The following TUNAR variants were observed in gnomAD, a reference collection of about 807,000 sequenced individuals.
TUNAR encodes the protein transmembrane neural differentiation associated intracellular calcium regulator, also known as protein TUNAR.
chr14:95,901,573 C>T (rs928519607), intron 2 of TUNAR, among the ~76,000 whole-genome samples: 2 of 152,176 alleles, frequency 1.3e-5, no homozygotes, highest in Non-Finnish European at 2.9e-5. Flanking sequence ...ACAGCCCTGG[C>T]GCCTAGCAGG....
At chr14:95,894,450 A>G (rs1221576363) in intron 2 of TUNAR, among the ~76,000 whole-genome samples, 1 of 152,212 alleles carries the variant, frequency 6.6e-6, no homozygotes, top group African/African-American at 2.4e-5. Flanking sequence ...GGACAGCCAC[A>G]CTAGCAGGAG....
At chr14:95,920,634 G>A (rs1889682354) in intron 2 of TUNAR, among the ~76,000 whole-genome samples, 1 of 152,176 alleles carries the variant, frequency 6.6e-6, no homozygotes, top group African/African-American at 2.4e-5. Flanking sequence ...TCATACGGAT[G>A]TTCATTCACA....
chr14:95,879,309 C>A (rs904655232), intron 2 of TUNAR, among the ~76,000 whole-genome samples: 5 of 152,136 alleles, frequency 3.3e-5, no homozygotes, highest in African/African-American at 1.2e-4. Context: ...GTTTGAAATT[C>A]ACAAAACCAG....
rs141080523 is a variant in TUNAR, at chr14:95,886,459, G to A, written c.12+9282G>A. ...CTAAGGAAGAGAGAGAGACAGAAAAGCATGTTCCACAAGCCAGTGGGCAAA... is the reference window on the plus strand; with the variant it reads ...CTAAGGAAGAGAGAGAGACAGAAAAACATGTTCCACAAGCCAGTGGGCAAA... On this transcript the variant is annotated intron_variant, in intron 2 of 2. Coordinates refer to ENST00000678517, the Ensembl canonical transcript of TUNAR. Among the ~76,000 whole-genome samples the A allele has an allele frequency of 4.6e-4, 70 of 152,352 alleles. No homozygotes were observed. The East Asian group carries it at 0.012, about 27-fold the overall frequency.
At position 95,908,650 on chromosome 14, in the gene TUNAR, G is replaced by A. The variant is rs1889463702; in HGVS notation, c.13-14131G>A. On this transcript the variant is annotated intron_variant, in intron 2 of 2. Coordinates refer to ENST00000678517, the Ensembl canonical transcript of TUNAR. ...TTTTCCCTTGGTCACAGAGTTAGTTGGGATCACAAGAGTCTCAAAATCAGT... is the reference window on the plus strand; with the variant it reads ...TTTTCCCTTGGTCACAGAGTTAGTTAGGATCACAAGAGTCTCAAAATCAGT... 2.0e-5 allele frequency among the ~76,000 whole-genome samples: 3 copies of A among 152,166 alleles called. No individual in the cohort carries two copies. The South Asian group carries it at 6.2e-4, about 32-fold the overall frequency.
intron 2 of TUNAR, among the ~76,000 whole-genome samples, chr14:95,909,152 C>T (rs1393872536): frequency 2.0e-5 from 3 of 152,190 alleles, no homozygotes; most frequent in Non-Finnish European, 2.9e-5. Flanking sequence ...AGTGTCAGTA[C>T]AGGGAGCTGT....
At chr14:95,880,175 T>C (rs74085717) in intron 2 of TUNAR, among the ~76,000 whole-genome samples, 2,815 of 152,316 alleles carry the variant, frequency 0.018, 55 homozygotes, top group East Asian at 0.08. Context: ...TACCAGATAT[T>C]GCCCTCCAAA....
chr14:95,894,027 T>C (rs1245740255), intron 2 of TUNAR, among the ~76,000 whole-genome samples: 4 of 152,226 alleles, frequency 2.6e-5, no homozygotes, highest in Non-Finnish European at 5.9e-5. Flanking sequence ...CCTGTTTTGG[T>C]GGATAGCTCC....
At chr14:95,903,785 G>T (rs865835269) in intron 2 of TUNAR, among the ~76,000 whole-genome samples, 2 of 152,240 alleles carry the variant, frequency 1.3e-5, no homozygotes, top group African/African-American at 2.4e-5. Flanking sequence ...TGGTGGCTGG[G>T]GCTGGAGCCA....
intron 2 of TUNAR, among the ~76,000 whole-genome samples, chr14:95,882,179 G>A (rs1213514311): frequency 6.6e-6 from 1 of 152,174 alleles, no homozygotes; most frequent in Non-Finnish European, 1.5e-5. Context: ...GCGTGTCCTC[G>A]GTGCGGCCCA....
chr14:95,880,879 C>G (rs1406796071), intron 2 of TUNAR, among the ~76,000 whole-genome samples: 1 of 152,182 alleles, frequency 6.6e-6, no homozygotes, highest in African/African-American at 2.4e-5. Context: ...AACACTTTGT[C>G]CTTGCAACTC....
chr14:95,888,947 G>A (rs138104358), intron 2 of TUNAR, among the ~76,000 whole-genome samples: 2 of 152,302 alleles, frequency 1.3e-5, no homozygotes, highest in East Asian at 3.9e-4. Flanking sequence ...CGGATCCCGA[G>A]CATGGCCGTC....
At chr14:95,877,362 G>A (rs971424173) in intron 2 of TUNAR, among the ~76,000 whole-genome samples, 185 bp downstream of exon 1, 8 of 152,212 alleles carry the variant, frequency 5.3e-5, no homozygotes, top group Non-Finnish European at 1.0e-4. Flanking sequence ...GGCAGACCTG[G>A]TGCTTTCTTC....
chr14:95,918,149 T>C (rs1391231655), intron 2 of TUNAR, among the ~76,000 whole-genome samples: 1 of 152,242 alleles, frequency 6.6e-6, no homozygotes, highest in African/African-American at 2.4e-5. Context: ...ATAGTGGGTG[T>C]ATATATTTAT....
At chr14:95,922,224 T>A (rs1391839158) in intron 2 of TUNAR, among the ~76,000 whole-genome samples, 1 of 152,232 alleles carries the variant, frequency 6.6e-6, no homozygotes, top group Non-Finnish European at 1.5e-5. Flanking sequence ...CTCATGGCGT[T>A]ACTCATCCAC....
chr14:95,902,094 A>T (rs1376794265), intron 2 of TUNAR, among the ~76,000 whole-genome samples: 2 of 152,116 alleles, frequency 1.3e-5, no homozygotes, highest in African/African-American at 4.8e-5. Context: ...TTTAGTTGTG[A>T]TGGGATTGAC....
At chr14:95,889,856 G>A (rs1482981982) in intron 2 of TUNAR, among the ~76,000 whole-genome samples, 4 of 151,282 alleles carry the variant, frequency 2.6e-5, no homozygotes, top group Non-Finnish European at 2.9e-5. Context: ...CCATCCATCC[G>A]TGAATCCTCC....
chr14:95,925,505 A>G (rs778988345), exon 3 of TUNAR: 4 of 152,228 alleles, frequency 2.6e-5, no homozygotes, highest in Non-Finnish European at 5.9e-5. Flanking sequence ...GTGTGATTCT[A>G]GAAAGACTGT....
rs993949198 is a variant in TUNAR, at chr14:95,889,688, T to C, written c.12+12511T>C. Among the ~76,000 whole-genome samples the C allele has an allele frequency of 2.6e-5, 4 of 152,264 alleles. No individual in the cohort carries two copies. In the East Asian group the frequency reaches 7.7e-4, roughly 29 times the overall value. ...GGAGGAACTTAAGCAGAGACTCATC[T>C]TCCCTGTAAGCCCACGGAGCCGTCA... On this transcript the variant is annotated intron_variant, in intron 2 of 2. Coordinates refer to ENST00000678517, the Ensembl canonical transcript of TUNAR.
Sources: allele counts gnomAD v4.1 joint callset (sites outside exome capture counted in the v4.1 genomes callset), GRCh38; gene constraint gnomAD v4.1.1; transcripts MANE v1.5; gene names NCBI Gene and HGNC (gene_info 2026-07-23, HGNC 2026-07-21).